Variants in RAD54L2 observed in about 807,000 individuals in gnomAD.
RAD54L2 encodes the protein RAD54 like 2.
A neutral mutation model predicts 138.4 loss-of-function variants in RAD54L2; 27 were observed. The observed-to-expected ratio is 0.20, with a 90% CI of 0.14 to 0.27. The LOEUF (loss-of-function observed/expected upper bound fraction) is 0.27. Ranked by LOEUF, RAD54L2 falls within the 10% of genes least tolerant of loss-of-function variation. The probability of loss-of-function intolerance (pLI) is 1.00; values close to 1 mark genes in which losing one functional copy is unlikely to be tolerated. For synonymous variants in RAD54L2, 644 were observed against 723.2 expected, an observed-to-expected ratio of 0.89 and a Z score of 1.76; for missense variants, 1,396 against 1,890.2, an observed-to-expected ratio of 0.74 and a Z score of 4.85.
At chr3:51,627,984 G>A (rs1040928606) in intron 4 of RAD54L2, among the ~76,000 whole-genome samples, 3 of 152,166 alleles carry the variant, frequency 2.0e-5, no homozygotes, top group African/African-American at 7.2e-5. Context: ...CTGCTGGAGG[G>A]TCTTCTACTC....
Position 51,637,124 on chromosome 3 carries a change from T to A in RAD54L2, c.1340-37T>A, listed in dbSNP as rs1436694108. 1 of 1,525,448 alleles carries A rather than the reference T, an allele frequency of 6.6e-7. No homozygotes were observed. The highest frequency in any genetic ancestry group is 8.9e-7 in the Non-Finnish European group (1 of 1,123,252). The allele number at this position is 1,525,448 out of a possible 1,614,324, so 94.5% of individuals were successfully genotyped here. ...CATATTATTGACTAAGAGCAGGCCC[T>A]GTCACCCTCTGACTCCGGATCCTCT... is the stretch of plus-strand genomic sequence containing the variant. On this transcript the variant is annotated intron_variant, in intron 10 of 22. Transcript: ENST00000684192. This position sits in a 1 kb window ranked among gnomAD's most constrained non-coding sequence, Gnocchi z 5.9.
intron 2 of RAD54L2, among the ~76,000 whole-genome samples, chr3:51,546,300 A>G (rs951434647): frequency 6.6e-6 from 1 of 152,112 alleles, no homozygotes; most frequent in Non-Finnish European, 1.5e-5. Context: ...AAAAGCATGA[A>G]AAGTAACTGT....
intron 2 of RAD54L2, among the ~76,000 whole-genome samples, chr3:51,553,932 T>C (rs1167157679): frequency 6.6e-6 from 1 of 152,198 alleles, no homozygotes; most frequent in Non-Finnish European, 1.5e-5. Flanking sequence ...TTTAAAATGC[T>C]TTATTGCCAA....
At chr3:51,632,563 A>G (rs1035945729) in intron 7 of RAD54L2, among the ~76,000 whole-genome samples, 11 of 145,348 alleles carry the variant, frequency 7.6e-5, no homozygotes, top group African/African-American at 2.7e-4. Flanking sequence ...CCAAAGCGCC[A>G]GGATTACAGG....
chr3:51,641,600 A>C lies in RAD54L2; in HGVS notation c.2232-149A>C, dbSNP rs1056079690. 4 of 559,600 alleles carry C rather than the reference A, an allele frequency of 7.1e-6. No individual in the cohort carries two copies. In the Admixed American group the frequency reaches 1.2e-4, roughly 17 times the overall value. The allele number at this position is 559,600 out of a possible 1,614,324, so 34.7% of individuals were successfully genotyped here. ...CCAAAGTGCTGGGATTATAGGCTTG[A>C]GCCACCGTGCCCAACCTAGAGTTAC... On this transcript the variant is annotated intron_variant, in intron 14 of 22. Coordinates refer to ENST00000684192, the MANE Select transcript of RAD54L2 (RefSeq NM_015106.4).
intron 3 of RAD54L2, among the ~76,000 whole-genome samples, chr3:51,624,449 G>A (rs1700633869): frequency 1.3e-5 from 2 of 151,550 alleles, no homozygotes; most frequent in Non-Finnish European, 2.9e-5. Context: ...TTTGAGAGAT[G>A]GGGTTTTGCT....
At chr3:51,573,487 G>C (rs924649029) in intron 2 of RAD54L2, among the ~76,000 whole-genome samples, 1 of 151,638 alleles carries the variant, frequency 6.6e-6, no homozygotes, top group African/African-American at 2.4e-5. Context: ...TGTTTCCCAG[G>C]CTGGAGTGCA....
Position 51,633,583 on chromosome 3 carries a change from G to A in RAD54L2, c.832G>A (p.Gly278Arg), listed in dbSNP as rs878927732. 1 of 1,612,920 alleles carries A rather than the reference G, an allele frequency of 6.2e-7. No individual in the cohort carries two copies. ...TGTCTTTGTCCCTTGTCAGATTGGC[G>A]GGATCCGGTTCCTTTACGATAACCT... ...ARAVKPHQIG[G>R]IRFLYDNLVE... The change falls in exon 8 of 23, where the codon GGG becomes AGG. Residue 278 changes from glycine to arginine, a missense_variant. Physicochemically the swap from Gly to Arg is moderately radical, Grantham distance 125. This residue lies in a region of RAD54L2 where 12 missense variants were observed against 46.1 expected (regional missense o/e 0.26). Transcript: ENST00000684192.
intron 15 of RAD54L2, among the ~76,000 whole-genome samples, chr3:51,643,031 C>CTTTTTTTTTT: frequency 8.8e-6 from 1 of 113,210 alleles, no homozygotes; most frequent in Non-Finnish European, 1.7e-5. Context: ...TAACTGAAGT[C>CTTTTTTTTTT]TTTTTTTTTT....
At chr3:51,540,088 CAAACTT>C (rs1182330090) in intron 1 of RAD54L2, among the ~76,000 whole-genome samples, 1 of 152,168 alleles carries the variant, frequency 6.6e-6, no homozygotes, top group Non-Finnish European at 1.5e-5. Context: ...AAATGATAGA[CAAACTT>C]AGACTTCATC....
At chr3:51,660,741 C>T (rs943844475) in intron 22 of RAD54L2, among the ~76,000 whole-genome samples, 7 of 151,890 alleles carry the variant, frequency 4.6e-5, no homozygotes, top group Non-Finnish European at 1.0e-4. Context: ...CCCGCCTCAG[C>T]CTCCTGAGTA....
At position 51,645,511 on chromosome 3, in the gene RAD54L2, T is replaced by A; in HGVS notation, c.2657-80T>A. 7.3e-7 allele frequency: 1 copy of A among 1,367,436 alleles called. No individual in the cohort carries two copies. Among genetic ancestry groups the A allele is most frequent in the Non-Finnish European group, 9.9e-7 (1 of 1,010,122 alleles). 84.7% of individuals were successfully genotyped at this position (1,367,436 alleles called of 1,614,324 possible). On this transcript the variant is annotated intron_variant, in intron 17 of 22. Coordinates refer to ENST00000684192, the MANE Select transcript of RAD54L2 (RefSeq NM_015106.4). The surrounding 1 kb of genome is among the most constrained non-coding windows in gnomAD (Gnocchi z 6.1). Reference sequence around the variant, plus strand: ...AGACCTAGTCTTTGACTTTCAGATATGGGATGACTTTTCATTATTAGTGAC... The same window carrying A: ...AGACCTAGTCTTTGACTTTCAGATAAGGGATGACTTTTCATTATTAGTGAC...
At position 51,667,470 on chromosome 3, in the gene RAD54L2, TC is replaced by T. The variant is rs1465308204; in HGVS notation, c.*4052del. ...TGAGCCACTGCTCCTGGCCCCCACT[TC>T]CTTTTGATTTCTCAGATCAGTCTTT... On this transcript the variant is annotated 3_prime_UTR_variant, in exon 23 of 23. Transcript: ENST00000684192. 2.0e-5 allele frequency: 3 copies of T among 152,416 alleles called. No homozygotes were observed. Among genetic ancestry groups the T allele is most frequent in the Non-Finnish European group, 2.9e-5 (2 of 68,250 alleles). The allele number at this position is 152,416 out of a possible 1,614,324, so 9.4% of individuals were successfully genotyped here.
chr3:51,597,339 TG>T (rs1699985830), intron 3 of RAD54L2, among the ~76,000 whole-genome samples: 1 of 152,064 alleles, frequency 6.6e-6, no homozygotes, highest in African/African-American at 2.4e-5. Context: ...CATTTGTGGT[TG>T]GGGGTAACTG....
intron 3 of RAD54L2, among the ~76,000 whole-genome samples, chr3:51,626,434 A>ATTTT (rs1302087610): frequency 2.4e-4 from 3 of 12,288 alleles, no homozygotes; most frequent in East Asian, 3.4e-3. Context: ...ACCCCCAACG[A>ATTTT]TCTTTTTTTT....
chr3:51,666,750 CTCA>C lies in RAD54L2; in HGVS notation c.*3336_*3338del, dbSNP rs911345054. On this transcript the variant is annotated 3_prime_UTR_variant, in exon 23 of 23. Transcript: ENST00000684192. ...TGAGTTATGCTTTTTAGGCATCTAT[CTCA>C]TCATCTCCTGATTTAAGGATAATTC... 13 of 152,146 alleles carry C rather than the reference CTCA, an allele frequency of 8.5e-5. No individual in the cohort carries two copies. Among genetic ancestry groups the C allele is most frequent in the Admixed American group, 8.5e-4 (13 of 15,282 alleles). The allele number at this position is 152,146 out of a possible 1,614,324, so 9.4% of individuals were successfully genotyped here. A position where few individuals can be genotyped will look rare whatever the true frequency, so the allele number is the denominator to read the frequency against.
At chr3:51,554,089 C>T (rs890937941) in intron 2 of RAD54L2, among the ~76,000 whole-genome samples, 2 of 152,056 alleles carry the variant, frequency 1.3e-5, no homozygotes, top group Non-Finnish European at 2.9e-5. Flanking sequence ...AATAAGACAA[C>T]AGTGAAATTT....
At chr3:51,661,463 T>C (rs981841406) in intron 22 of RAD54L2, among the ~76,000 whole-genome samples, 2 of 152,244 alleles carry the variant, frequency 1.3e-5, no homozygotes, top group Non-Finnish European at 2.9e-5. Flanking sequence ...CCACCATCAC[T>C]GACAGTGCTT....
Position 51,643,857 on chromosome 3 carries a change from GT to G in RAD54L2, c.2351-14del. 6.4e-7 allele frequency: 1 copy of G among 1,573,936 alleles called. No individual in the cohort carries two copies. The highest frequency in any genetic ancestry group is 8.7e-7 in the Non-Finnish European group (1 of 1,153,034). ...TGCTCTAATATATCCACTGCTTATGGTTTTCCTTCCTTCCTAGGGCTAGATG... is the reference window on the plus strand; with the variant it reads ...TGCTCTAATATATCCACTGCTTATGGTTTCCTTCCTTCCTAGGGCTAGATG... On this transcript the variant is annotated splice_polypyrimidine_tract_variant and intron_variant, in intron 15 of 22. Coordinates refer to ENST00000684192, the MANE Select transcript of RAD54L2 (RefSeq NM_015106.4).
Sources: gnomAD v4.1 joint callset for allele counts (sites outside exome capture counted in the v4.1 genomes callset) on GRCh38, gnomAD v4.1.1 for gene constraint, gnomAD v4.1.1 regional missense constraint, Gnocchi (gnomAD v3.1) non-coding constraint, MANE v1.5 for transcripts, NCBI Gene and HGNC (gene_info 2026-07-23, HGNC 2026-07-21) for gene names.